The following CCDC60 variants were observed in gnomAD, a reference collection of about 807,000 sequenced individuals.
CCDC60 encodes the protein coiled-coil domain-containing protein 60.
A neutral mutation model predicts 63.5 loss-of-function variants in CCDC60; 54 were observed. That is an observed-to-expected ratio of 0.85 (90% CI 0.68 to 1.07). CCDC60 has a LOEUF of 1.07. CCDC60 is among the 50% of genes least tolerant of loss of function. CCDC60 has a pLI of 0.00. For synonymous variants in CCDC60, 206 were observed against 238.8 expected (o/e 0.86, Z 1.27); for missense variants, 651 against 684.3 (o/e 0.95, Z 0.54).
intron 1 of CCDC60, among the ~76,000 whole-genome samples, chr12:119,338,715 C>T (rs1029950685): frequency 3.3e-5 from 5 of 152,148 alleles, no homozygotes; most frequent in African/African-American, 1.2e-4. Flanking sequence ...GGAAAGGGAA[C>T]GACACCTAAA....
Position 119,530,872 on chromosome 12 carries a change from A to T in CCDC60, c.1362-2A>T. The stretch of plus-strand genomic sequence containing the variant: ...ACTTGTCCTCTCCTTTTGGAATTGA[A>T]GGTACTTTGATCTGTTGTCCAAACT... On this transcript the variant is annotated splice_acceptor_variant, in intron 12 of 13. Transcript: ENST00000327554. LOFTEE classifies it high-confidence loss of function. The T allele has an allele frequency of 6.2e-7, 1 of 1,611,316 alleles. No homozygotes were observed. Among genetic ancestry groups the T allele is most frequent in the Non-Finnish European group, 8.5e-7 (1 of 1,178,472 alleles).
chr12:119,513,129 A>G (rs1448120656), intron 7 of CCDC60, among the ~76,000 whole-genome samples: 2 of 152,206 alleles, frequency 1.3e-5, no homozygotes, highest in East Asian at 1.9e-4. Flanking sequence ...GTGGTTTTGT[A>G]TCAAAGCAGA....
At chr12:119,368,902 G>A (rs183883576) in intron 1 of CCDC60, among the ~76,000 whole-genome samples, 20 of 152,272 alleles carry the variant, frequency 1.3e-4, no homozygotes, top group East Asian at 9.7e-4. Flanking sequence ...TAACCTGATC[G>A]TTTCGTAGTT....
chr12:119,433,099 A>T (rs1385414684), intron 2 of CCDC60, among the ~76,000 whole-genome samples: 1 of 152,184 alleles, frequency 6.6e-6, no homozygotes, highest in Non-Finnish European at 1.5e-5. Context: ...CACCACGGTG[A>T]CAATATTTGC....
intron 1 of CCDC60, among the ~76,000 whole-genome samples, chr12:119,423,317 G>A (rs142824884): frequency 2.2e-3 from 340 of 152,290 alleles, no homozygotes; most frequent in African/African-American, 7.7e-3. Flanking sequence ...TAACTTAAGG[G>A]GAGGACCTGC....
rs1566050768 is a variant in CCDC60 at position 119,507,605 on chromosome 12, TA to T, written c.883+2303del. Among the ~76,000 whole-genome samples, 122 of 32,508 alleles carry T rather than the reference TA, an allele frequency of 3.8e-3. 7 individuals are homozygous for T. The highest frequency in any genetic ancestry group is 8.8e-3 in the African/African-American group (52 of 5,918). 21.3% of individuals were successfully genotyped at this position (32,508 alleles called of 152,430 possible). A position where few individuals can be genotyped will look rare whatever the true frequency, so the allele number is the denominator to read the frequency against. On this transcript the variant is annotated intron_variant, in intron 7 of 13. Transcript: ENST00000327554. Reference sequence around the variant, plus strand: ...ACATATATATACATATATATATATATATATATATATTTTTTTTTTTTTTTTC... The same window carrying T: ...ACATATATATACATATATATATATATTATATATATTTTTTTTTTTTTTTTC...
chr12:119,495,622 A>G lies in CCDC60; in HGVS notation c.558-4456A>G, dbSNP rs78724371. On this transcript the variant is annotated intron_variant, in intron 5 of 13. Coordinates refer to ENST00000327554, the MANE Select transcript of CCDC60 (RefSeq NM_178499.5). The stretch of plus-strand genomic sequence containing the variant: ...TACTGTCGCAATCGTTCTGAGCAGC[A>G]CTCATAATAGCATTTTTAAAATTTA... Among the ~76,000 whole-genome samples, 1,231 of 152,248 alleles carry G rather than the reference A, an allele frequency of 8.1e-3. 24 individuals carry two copies. Among genetic ancestry groups the G allele is most frequent in the African/African-American group, 0.029 (1,195 of 41,534 alleles).
At chr12:119,457,692 CA>C (rs1261836148) in intron 2 of CCDC60, among the ~76,000 whole-genome samples, 1 of 151,448 alleles carries the variant, frequency 6.6e-6, no homozygotes, top group Admixed American at 6.6e-5. Context: ...TGCATGCTGA[CA>C]AAGATATTAA....
At chr12:119,385,899 G>A (rs545013452) in intron 1 of CCDC60, among the ~76,000 whole-genome samples, 35 of 152,304 alleles carry the variant, frequency 2.3e-4, no homozygotes, top group African/African-American at 7.9e-4. Context: ...GGGGATCTAT[G>A]CAAACAGTCT....
At chr12:119,360,493 G>T (rs1262081346) in intron 1 of CCDC60, among the ~76,000 whole-genome samples, 12 of 147,400 alleles carry the variant, frequency 8.1e-5, no homozygotes, top group East Asian at 4.2e-4. Context: ...TCACTTCTCA[G>T]ATGGGGCGGC....
intron 12 of CCDC60, among the ~76,000 whole-genome samples, chr12:119,530,647 C>A (rs541058): frequency 0.2 from 30,029 of 152,020 alleles, 3,742 homozygotes; most frequent in East Asian, 0.52. Context: ...TGAAATCACA[C>A]CTTTGTTTTA....
chr12:119,426,206 T>C (rs1956896792), intron 1 of CCDC60, among the ~76,000 whole-genome samples: 1 of 152,188 alleles, frequency 6.6e-6, no homozygotes, highest in African/African-American at 2.4e-5. Flanking sequence ...CTGTAATTCA[T>C]TACTAAGAAT....
intron 2 of CCDC60, among the ~76,000 whole-genome samples, chr12:119,464,067 C>CCT (rs1241551338): frequency 1.1e-4 from 15 of 142,574 alleles, no homozygotes; most frequent in East Asian, 4.6e-4. Flanking sequence ...CTTCCTTCCT[C>CCT]TGCGCCTGGC....
At chr12:119,484,392 C>G (rs186820358) in intron 4 of CCDC60, among the ~76,000 whole-genome samples, 58 of 152,218 alleles carry the variant, frequency 3.8e-4, no homozygotes, top group Non-Finnish European at 7.5e-4. Flanking sequence ...TGTTACTACT[C>G]TTTATTATCT....
At chr12:119,516,190 C>G (rs1167606685) in intron 7 of CCDC60, among the ~76,000 whole-genome samples, 2 of 152,178 alleles carry the variant, frequency 1.3e-5, no homozygotes, top group African/African-American at 4.8e-5. Context: ...GCTGCAACCT[C>G]TGCCTCTCAG....
intron 1 of CCDC60, among the ~76,000 whole-genome samples, chr12:119,428,439 A>T (rs1004944699): frequency 2.0e-5 from 3 of 152,200 alleles, no homozygotes; most frequent in African/African-American, 7.2e-5. Flanking sequence ...GTTCAAGGTC[A>T]CACAGCTGGT....
intron 1 of CCDC60, among the ~76,000 whole-genome samples, chr12:119,344,245 A>G (rs1248166466): frequency 6.6e-6 from 1 of 152,080 alleles, no homozygotes; most frequent in Non-Finnish European, 1.5e-5. Flanking sequence ...GTATTGCCAA[A>G]TGTCCTCAGG....
intron 1 of CCDC60, among the ~76,000 whole-genome samples, chr12:119,386,213 T>C (rs899424456): frequency 5.3e-5 from 8 of 152,160 alleles, no homozygotes; most frequent in African/African-American, 1.7e-4. Context: ...ATGAAGACCA[T>C]TCCTCCCACC....
intron 2 of CCDC60, among the ~76,000 whole-genome samples, chr12:119,444,240 C>T (rs1950498620): frequency 6.6e-6 from 1 of 152,132 alleles, no homozygotes; most frequent in Admixed American, 6.5e-5. Context: ...ACAATGAAAG[C>T]GTTTAGAATA....
Sources: allele counts gnomAD v4.1 joint callset (sites outside exome capture counted in the v4.1 genomes callset), GRCh38; gene constraint gnomAD v4.1.1; transcripts MANE v1.5; gene names NCBI Gene and HGNC (gene_info 2026-07-23, HGNC 2026-07-21).